The following PTPRD variants were observed in gnomAD, a reference collection of about 807,000 sequenced individuals.
The protein encoded by PTPRD is receptor-type tyrosine-protein phosphatase delta.
In PTPRD, 34 loss-of-function variants were observed where a neutral mutation model predicts 214.5. The observed-to-expected ratio is 0.16, with a 90% CI of 0.12 to 0.21. The LOEUF (loss-of-function observed/expected upper bound fraction) is 0.21, where lower values mean the gene tolerates loss of function less well. Among genes scored for constraint, PTPRD ranks in the 10% least tolerant of loss-of-function variants. The pLI, the probability that PTPRD is intolerant of heterozygous loss-of-function variation, is 1.00. For missense variants in PTPRD, 2,545 were observed against 2,398.7 expected, an observed-to-expected ratio of 1.06 and a Z score of -1.27; for synonymous variants, 1,128 against 845.7, an observed-to-expected ratio of 1.33 and a Z score of -5.79.
At chr9:10,369,673 C>T (rs75469782) in intron 2 of PTPRD, among the ~76,000 whole-genome samples, 4,573 of 152,136 alleles carry the variant, frequency 0.03, 61 homozygotes, top group African/African-American at 0.04. Flanking sequence ...GCTGCCTAGT[C>T]GCCCCATTCT....
At chr9:8,943,136 C>T (rs7868463) in intron 11 of PTPRD, among the ~76,000 whole-genome samples, 21,597 of 151,924 alleles carry the variant, frequency 0.14, 1,907 homozygotes, top group Non-Finnish European at 0.2. Context: ...CTGAAGAGGA[C>T]ACAAAAAATG....
chr9:10,237,190 T>C (rs2099631787), intron 3 of PTPRD, among the ~76,000 whole-genome samples: 1 of 151,742 alleles, frequency 6.6e-6, no homozygotes, highest in African/African-American at 2.4e-5. Context: ...GTAGGAAGTA[T>C]TGGGAATCTT....
chr9:8,504,999 C>T (rs2097511060), intron 22 of PTPRD, among the ~76,000 whole-genome samples: 1 of 152,164 alleles, frequency 6.6e-6, no homozygotes, highest in African/African-American at 2.4e-5. Flanking sequence ...AATAATTTAT[C>T]TGAAACCACA....
chr9:8,559,070 T>G (rs1383354182), intron 14 of PTPRD, among the ~76,000 whole-genome samples: 1 of 152,216 alleles, frequency 6.6e-6, no homozygotes, highest in South Asian at 2.1e-4. Context: ...ATCTCTTTTA[T>G]GCCAAATTGT....
At chr9:9,959,097 C>A (rs1258835906) in intron 4 of PTPRD, among the ~76,000 whole-genome samples, 1 of 152,018 alleles carries the variant, frequency 6.6e-6, no homozygotes, top group Admixed American at 6.6e-5. Flanking sequence ...CTGGAAGCAA[C>A]CAAGATGTTC....
intron 3 of PTPRD, among the ~76,000 whole-genome samples, chr9:10,037,592 A>C (rs559677693): frequency 4.6e-5 from 7 of 152,032 alleles, no homozygotes; most frequent in South Asian, 2.1e-4. Flanking sequence ...AAAAAAAAAA[A>C]AAAAAAACAA....
At position 10,244,550 on chromosome 9, in the gene PTPRD, T is replaced by C. The variant is rs141607072; in HGVS notation, c.-545+96413A>G. Among the ~76,000 whole-genome samples the C allele has an allele frequency of 1.8e-3, 267 of 151,772 alleles. 4 individuals are homozygous for C. The highest frequency in any genetic ancestry group is 4.9e-4 in the Non-Finnish European group (33 of 67,916). ...CATTTTTTACAACAAAAGTAGTTTATTAGGTTAAGCAGGAGGAAAAAAATT... is the reference window on the plus strand; with the variant it reads ...CATTTTTTACAACAAAAGTAGTTTACTAGGTTAAGCAGGAGGAAAAAAATT... On this transcript the variant is annotated intron_variant, in intron 3 of 45. Transcript: ENST00000381196.
At chr9:8,766,409 T>C (rs147695263) in intron 11 of PTPRD, among the ~76,000 whole-genome samples, 1 of 152,184 alleles carries the variant, frequency 6.6e-6, no homozygotes, top group African/African-American at 2.4e-5. Context: ...CAGGGTCAGG[T>C]CCCCAATTTG....
chr9:9,108,656 T>C (rs1305185835), intron 10 of PTPRD, among the ~76,000 whole-genome samples: 2 of 152,158 alleles, frequency 1.3e-5, no homozygotes, highest in African/African-American at 4.8e-5. Context: ...TCTTAAATGC[T>C]TTACCCAAGA....
chr9:9,046,021 T>C (rs1569501183), intron 10 of PTPRD, among the ~76,000 whole-genome samples: 1 of 152,192 alleles, frequency 6.6e-6, no homozygotes, highest in Non-Finnish European at 1.5e-5. Context: ...AGAGAAAGGA[T>C]AAACTCCAAG....
chr9:9,476,643 T>C (rs934405036), intron 8 of PTPRD, among the ~76,000 whole-genome samples: 2 of 152,226 alleles, frequency 1.3e-5, no homozygotes, highest in South Asian at 2.1e-4. Context: ...ATTTTACCTA[T>C]GTATAACTCC....
intron 5 of PTPRD, among the ~76,000 whole-genome samples, chr9:9,780,153 G>C (rs2098831768): frequency 6.6e-6 from 1 of 152,110 alleles, no homozygotes; most frequent in Non-Finnish European, 1.5e-5. Flanking sequence ...AGTTAACACA[G>C]AACAAGAAAG....
chr9:9,237,156 T>G (rs983219056), intron 9 of PTPRD, among the ~76,000 whole-genome samples: 7 of 152,218 alleles, frequency 4.6e-5, no homozygotes, highest in African/African-American at 1.7e-4. Context: ...ATTTCCTTCT[T>G]AGTTGGAAAC....
At chr9:8,982,997 A>ACAAT (rs2099321225) in intron 11 of PTPRD, among the ~76,000 whole-genome samples, 1 of 152,082 alleles carries the variant, frequency 6.6e-6, no homozygotes. Context: ...ACCTCACTTA[A>ACAAT]CAATGAGTTG....
chr9:8,440,027 T>A (rs930470304), intron 34 of PTPRD, among the ~76,000 whole-genome samples: 3 of 148,882 alleles, frequency 2.0e-5, no homozygotes, highest in Non-Finnish European at 4.4e-5. Context: ...TATATTGATA[T>A]TTTTAAAGTT....
chr9:9,212,850 G>C (rs2099949663), intron 9 of PTPRD, among the ~76,000 whole-genome samples: 1 of 152,030 alleles, frequency 6.6e-6, no homozygotes, highest in African/African-American at 2.4e-5. Flanking sequence ...AAAAAACAAG[G>C]GATTAGGAGT....
At chr9:9,822,545 C>G (rs1465925886) in intron 5 of PTPRD, among the ~76,000 whole-genome samples, 2 of 147,530 alleles carry the variant, frequency 1.4e-5, no homozygotes, top group African/African-American at 5.0e-5. Context: ...TTAAAATAAC[C>G]AACTACAAAT....
chr9:10,239,100 A>G (rs1344237826), intron 3 of PTPRD, among the ~76,000 whole-genome samples: 1 of 151,974 alleles, frequency 6.6e-6, no homozygotes, highest in Non-Finnish European at 1.5e-5. Context: ...AACACAAAGG[A>G]TTCTGATACA....
At chr9:9,210,724 C>A (rs1171419672) in intron 9 of PTPRD, among the ~76,000 whole-genome samples, 1 of 152,120 alleles carries the variant, frequency 6.6e-6, no homozygotes, top group Non-Finnish European at 1.5e-5. Flanking sequence ...AAATGACTTG[C>A]CACATCCTAA....
Sources: gnomAD v4.1 joint callset for allele counts (sites outside exome capture counted in the v4.1 genomes callset) on GRCh38, gnomAD v4.1.1 for gene constraint, MANE v1.5 for transcripts, NCBI Gene and HGNC (gene_info 2026-07-23, HGNC 2026-07-21) for gene names.